The following PKNOX2 variants were observed in gnomAD, a reference collection of about 807,000 sequenced individuals.
PKNOX2 encodes homeobox protein PKNOX2.
PKNOX2 carries 14 observed loss-of-function variants against 53.1 expected under a neutral mutation model. The observed-to-expected ratio is 0.26, with a 90% CI of 0.17 to 0.41. The LOEUF (loss-of-function observed/expected upper bound fraction) is 0.41. Ranked by LOEUF, PKNOX2 falls within the 10% of genes least tolerant of loss-of-function variation. PKNOX2 has a pLI of 1.00. For synonymous variants in PKNOX2, 257 were observed against 242.8 expected (o/e 1.06, Z -0.54); for missense variants, 496 against 602.8 (o/e 0.82, Z 1.85).
At chr11:125,268,211 G>A (rs1945509616) in intron 2 of PKNOX2, among the ~76,000 whole-genome samples, 1 of 152,170 alleles carries the variant, frequency 6.6e-6, no homozygotes, top group Admixed American at 6.5e-5. Flanking sequence ...CAGGTCACTT[G>A]GAAACCAGGG....
chr11:125,206,667 A>C (rs1459900893), intron 1 of PKNOX2, among the ~76,000 whole-genome samples: 3 of 152,022 alleles, frequency 2.0e-5, no homozygotes, highest in Non-Finnish European at 4.4e-5. Flanking sequence ...TCAATTTCCT[A>C]ATCTGTTAAG....
intron 3 of PKNOX2, among the ~76,000 whole-genome samples, chr11:125,337,925 ACCCTT>A (rs1435627895): frequency 1.3e-5 from 2 of 151,992 alleles, no homozygotes. Context: ...ATGACTCAGG[ACCCTT>A]CCACCTCTGT....
At chr11:125,250,031 T>A (rs1201203420) in intron 2 of PKNOX2, among the ~76,000 whole-genome samples, 5 of 135,200 alleles carry the variant, frequency 3.7e-5, no homozygotes, top group Non-Finnish European at 1.5e-5. Context: ...CGTGGTTGCA[T>A]TCCAGCCTGG....
chr11:125,358,021 CA>C (rs1477792676), intron 4 of PKNOX2, among the ~76,000 whole-genome samples: 1 of 152,070 alleles, frequency 6.6e-6, no homozygotes, highest in African/African-American at 2.4e-5. Context: ...TTTCTGCATT[CA>C]TAAAATGAGA....
intron 2 of PKNOX2, chr11:125,277,587 G>A (rs1385079375): frequency 6.6e-6 from 1 of 152,202 alleles, no homozygotes; most frequent in Non-Finnish European, 1.5e-5. Flanking sequence ...CAAAACGGGT[G>A]TGACACAGAG....
At chr11:125,183,423 A>G (rs1482677292) in intron 1 of PKNOX2, among the ~76,000 whole-genome samples, 1 of 142,548 alleles carries the variant, frequency 7.0e-6, no homozygotes, top group Non-Finnish European at 1.5e-5. Flanking sequence ...TCACCTTGTT[A>G]GCCAGGATGG....
chr11:125,256,923 G>A (rs1944446450), intron 2 of PKNOX2, among the ~76,000 whole-genome samples: 1 of 152,018 alleles, frequency 6.6e-6, no homozygotes, highest in African/African-American at 2.4e-5. Flanking sequence ...ATTGAGAATT[G>A]CGAGATAATT....
intron 2 of PKNOX2, among the ~76,000 whole-genome samples, chr11:125,311,663 A>G (rs527771196): frequency 1.3e-5 from 2 of 152,318 alleles, no homozygotes; most frequent in South Asian, 4.1e-4. Flanking sequence ...TTTGGGGAAC[A>G]GCAGACAGCT....
chr11:125,262,830 T>C lies in PKNOX2; in HGVS notation c.-130+27715T>C, dbSNP rs79933908. 3.8e-3 allele frequency among the ~76,000 whole-genome samples: 584 copies of C among 152,268 alleles called. 1 individual carries two copies. Among genetic ancestry groups the C allele is most frequent in the African/African-American group, 0.013 (553 of 41,540 alleles). On this transcript the variant is annotated intron_variant, in intron 2 of 12. Coordinates refer to ENST00000298282, the MANE Select transcript of PKNOX2 (RefSeq NM_001382323.2). ...CTTACTTCTCTGTTTCCCTCTCCCA[T>C]GCGTTCCCTCCTGCTCCTCTACTCA...
intron 1 of PKNOX2, among the ~76,000 whole-genome samples, chr11:125,183,254 G>A (rs1956257022): frequency 2.1e-5 from 1 of 48,476 alleles, no homozygotes; most frequent in African/African-American, 7.7e-5. Context: ...CTGTCGCCCA[G>A]GTCGGACTGC....
chr11:125,310,994 T>C (rs1319316171), intron 2 of PKNOX2, among the ~76,000 whole-genome samples: 1 of 152,160 alleles, frequency 6.6e-6, no homozygotes, highest in African/African-American at 2.4e-5. Flanking sequence ...TATTGCTTTT[T>C]AAGAGAACAG....
chr11:125,356,928 C>T (rs1284897224), intron 4 of PKNOX2, among the ~76,000 whole-genome samples: 4 of 152,274 alleles, frequency 2.6e-5, no homozygotes, highest in Admixed American at 6.5e-5. Context: ...GCTTTACATT[C>T]CTCTCATCTC....
intron 2 of PKNOX2, among the ~76,000 whole-genome samples, chr11:125,238,277 G>T (rs936018845): frequency 1.8e-4 from 27 of 152,226 alleles, no homozygotes; most frequent in African/African-American, 6.5e-4. Context: ...GGCGAGAGGG[G>T]TGAGTGGACT....
At chr11:125,350,903 A>G (rs1951268443) in intron 3 of PKNOX2, among the ~76,000 whole-genome samples, 2 of 152,038 alleles carry the variant, frequency 1.3e-5, no homozygotes, top group Admixed American at 1.3e-4. Context: ...GCTGGAACTC[A>G]GGGTCCTCCT....
intron 4 of PKNOX2, among the ~76,000 whole-genome samples, chr11:125,365,217 C>T (rs776377953): frequency 6.6e-5 from 10 of 152,144 alleles, no homozygotes; most frequent in Admixed American, 2.6e-4. Context: ...AATGAAGTAC[C>T]GAACCCCTTT....
At position 125,166,398 on chromosome 11, in the gene PKNOX2, TTG is replaced by T. The variant is rs1256570754; in HGVS notation, c.-201+1623_-201+1624del. 6.6e-5 allele frequency among the ~76,000 whole-genome samples: 10 copies of T among 152,204 alleles called. No individual in the cohort carries two copies. The highest frequency in any genetic ancestry group is 6.5e-5 in the Admixed American group (1 of 15,288). On this transcript the variant is annotated intron_variant, in intron 1 of 12. Transcript: ENST00000298282. This position sits in a 1 kb window ranked among gnomAD's most constrained non-coding sequence, Gnocchi z 4.0. ...AAGTGTTTCTTTAGGAGGAGAGGAC[TTG>T]GGCCACACAGGACCCGGTCCTAAGA...
At chr11:125,287,278 C>T (rs1024133812) in intron 2 of PKNOX2, among the ~76,000 whole-genome samples, 45 of 152,178 alleles carry the variant, frequency 3.0e-4, no homozygotes, top group African/African-American at 9.7e-4. Flanking sequence ...ACCACAACAC[C>T]GTGCTGTTTA....
chr11:125,237,405 A>G (rs1942793339), intron 2 of PKNOX2, among the ~76,000 whole-genome samples: 1 of 152,200 alleles, frequency 6.6e-6, no homozygotes, highest in South Asian at 2.1e-4. Context: ...TCCAAGGAGT[A>G]TCAACATCAC....
At chr11:125,226,336 G>A (rs540554686) in intron 1 of PKNOX2, among the ~76,000 whole-genome samples, 8 of 152,206 alleles carry the variant, frequency 5.3e-5, no homozygotes, top group African/African-American at 1.7e-4. Flanking sequence ...TGAAATCTTG[G>A]TAAAATCTGT....
Sources: gnomAD v4.1 joint callset for allele counts (sites outside exome capture counted in the v4.1 genomes callset) on GRCh38, gnomAD v4.1.1 for gene constraint, Gnocchi (gnomAD v3.1) non-coding constraint, MANE v1.5 for transcripts, NCBI Gene and HGNC (gene_info 2026-07-23, HGNC 2026-07-21) for gene names.